Variants in ADAMTS6 observed in about 807,000 individuals in gnomAD.
ADAMTS6 encodes ADAM metallopeptidase with thrombospondin type 1 motif 6, also known as A disintegrin and metalloproteinase with thrombospondin motifs 6.
In ADAMTS6, 23 loss-of-function variants were observed where a neutral mutation model predicts 144.3. The observed-to-expected ratio is 0.16, with a 90% CI of 0.11 to 0.23. The LOEUF is 0.23. ADAMTS6 is among the 10% of genes least tolerant of loss of function. ADAMTS6 has a pLI of 1.00. For missense variants in ADAMTS6, 999 were observed against 1,379.6 expected, an observed-to-expected ratio of 0.72 and a Z score of 4.37; for synonymous variants, 444 against 457.5, an observed-to-expected ratio of 0.97 and a Z score of 0.38.
chr5:65,151,880 C>G lies in ADAMTS6; in HGVS notation c.3310G>C (p.Ala1104Pro). ...LVLKFKFCSR[A>P]YFRQMCCKTC... ...TTACAACACATCTGTCTGAAGTATG[C>G]TCGACTGCAGAACTTGAACTTCAGC... Residue 1104 changes from alanine (A) to proline (P), a missense_variant, in exon 25 of 25, where the codon GCA (alanine) becomes CCA (proline). Transcript: ENST00000381055. 1 of 1,613,828 alleles carries G rather than the reference C, an allele frequency of 6.2e-7. No homozygotes were observed. Among genetic ancestry groups the G allele is most frequent in the Non-Finnish European group, 8.5e-7 (1 of 1,179,766 alleles).
chr5:65,367,481 C>T (rs895176050), intron 7 of ADAMTS6, among the ~76,000 whole-genome samples: 2 of 152,224 alleles, frequency 1.3e-5, no homozygotes, highest in Non-Finnish European at 1.5e-5. Flanking sequence ...TTCTCAACTG[C>T]TGTCATCCCT....
chr5:65,333,231 G>GA (rs375096844), intron 8 of ADAMTS6, among the ~76,000 whole-genome samples: 2 of 151,686 alleles, frequency 1.3e-5, no homozygotes, highest in Non-Finnish European at 2.9e-5. Flanking sequence ...AAAAAATTGA[G>GA]AAAAAAAGCT....
At chr5:65,269,934 C>T (rs1335773106) in intron 12 of ADAMTS6, among the ~76,000 whole-genome samples, 1 of 151,836 alleles carries the variant, frequency 6.6e-6, no homozygotes, top group African/African-American at 2.4e-5. Context: ...GCTGGGACTA[C>T]AGGTGCCTGC....
chr5:65,381,529 ATTTTTTTTT>A (rs748143650), intron 7 of ADAMTS6, among the ~76,000 whole-genome samples: 6 of 103,126 alleles, frequency 5.8e-5, no homozygotes, highest in South Asian at 6.9e-4. Context: ...TGCCTGGCTA[ATTTTTTTTT>A]TTTTTTTTTT....
intron 7 of ADAMTS6, among the ~76,000 whole-genome samples, chr5:65,384,753 C>T (rs1048735041): frequency 6.6e-6 from 1 of 152,186 alleles, no homozygotes; most frequent in Non-Finnish European, 1.5e-5. Flanking sequence ...AAAGTTGCTT[C>T]CACATTTTTA....
chr5:65,370,337 T>C (rs1750737584), intron 7 of ADAMTS6, among the ~76,000 whole-genome samples: 1 of 152,048 alleles, frequency 6.6e-6, no homozygotes. Context: ...AGAAGGCGGG[T>C]GATTTCTGCA....
rs150415416 is a variant in ADAMTS6, at chr5:65,455,122, T to G, written c.632-2204A>C. Among the ~76,000 whole-genome samples the G allele has an allele frequency of 4.6e-5, 7 of 152,354 alleles. No homozygotes were observed. In the East Asian group the frequency reaches 1.3e-3, roughly 29 times the overall value. On this transcript the variant is annotated intron_variant, in intron 4 of 24. Transcript: ENST00000381055. ...CAGCTTAAATGTCCAAATATAGGAT[T>G]TTATTTTCATTCTTTTGATCATTTC...
chr5:65,473,750 A>T lies in ADAMTS6; in HGVS notation c.-77T>A. 1 of 1,115,456 alleles carries T rather than the reference A, an allele frequency of 9.0e-7. No homozygotes were observed. Among genetic ancestry groups the T allele is most frequent in the Non-Finnish European group, 1.3e-6 (1 of 747,294 alleles). The allele number at this position is 1,115,456 out of a possible 1,614,324, so 69.1% of individuals were successfully genotyped here. A position where few individuals can be genotyped will look rare whatever the true frequency, so the allele number is the denominator to read the frequency against. ...CAATACCATACCAAAATCGAAGCAT[A>T]ACAATTTTATTTCTTTAAAACTTCT... On this transcript the variant is annotated 5_prime_UTR_variant, in exon 2 of 25. Transcript: ENST00000381055.
At chr5:65,191,958 A>G (rs1755041415) in intron 21 of ADAMTS6, among the ~76,000 whole-genome samples, 1 of 152,134 alleles carries the variant, frequency 6.6e-6, no homozygotes, top group African/African-American at 2.4e-5. Context: ...ATCACTGGAT[A>G]TTAGCATACC....
At chr5:65,369,967 T>C (rs1750690728) in intron 7 of ADAMTS6, among the ~76,000 whole-genome samples, 1 of 152,120 alleles carries the variant, frequency 6.6e-6, no homozygotes. Context: ...TATTTTCCTT[T>C]ATTTCCTAGG....
chr5:65,388,726 G>C (rs1752670298), intron 7 of ADAMTS6, among the ~76,000 whole-genome samples: 1 of 152,090 alleles, frequency 6.6e-6, no homozygotes, highest in Non-Finnish European at 1.5e-5. Context: ...CAAACATAAT[G>C]TGAACATGTT....
intron 7 of ADAMTS6, among the ~76,000 whole-genome samples, chr5:65,424,356 T>C (rs1756325764): frequency 6.6e-6 from 1 of 152,190 alleles, no homozygotes; most frequent in Non-Finnish European, 1.5e-5. Flanking sequence ...ATATAAAGAT[T>C]AAGTGTGCTC....
At chr5:65,344,877 CG>C (rs1393081603) in intron 7 of ADAMTS6, among the ~76,000 whole-genome samples, 1 of 151,804 alleles carries the variant, frequency 6.6e-6, no homozygotes, top group East Asian at 1.9e-4. Context: ...AAACTTTCTT[CG>C]GCTAGGTTAT....
At chr5:65,237,545 A>G (rs1758770140) in intron 15 of ADAMTS6, among the ~76,000 whole-genome samples, 1 of 152,128 alleles carries the variant, frequency 6.6e-6, no homozygotes, top group African/African-American at 2.4e-5. Context: ...TATTCTAAGG[A>G]AGAGATAACA....
intron 15 of ADAMTS6, among the ~76,000 whole-genome samples, chr5:65,235,607 C>T (rs990622906): frequency 6.6e-6 from 1 of 152,140 alleles, no homozygotes; most frequent in African/African-American, 2.4e-5. Flanking sequence ...GAGAGACTGG[C>T]CTAGCCTCCC....
At chr5:65,259,929 T>C (rs1761033954) in intron 14 of ADAMTS6, among the ~76,000 whole-genome samples, 2 of 152,200 alleles carry the variant, frequency 1.3e-5, no homozygotes, top group African/African-American at 4.8e-5. Flanking sequence ...AAGAGTGATC[T>C]GGAGGAGTAA....
rs547419569 is a variant in ADAMTS6 at position 65,416,049 on chromosome 5, G to T, written c.1073+35426C>A. On this transcript the variant is annotated intron_variant, in intron 7 of 24. Coordinates refer to ENST00000381055, the MANE Select transcript of ADAMTS6 (RefSeq NM_197941.4). ...CTGCATGGCCACCCTGGGCAATTTC[G>T]CCAAGGCCAACTTCAATGACATCTC... 9 of 188,148 alleles carry T rather than the reference G, an allele frequency of 4.8e-5. No homozygotes were observed. The Admixed American group carries it at 5.1e-4, about 11-fold the overall frequency. 11.7% of individuals were successfully genotyped at this position (188,148 alleles called of 1,614,324 possible).
intron 22 of ADAMTS6, among the ~76,000 whole-genome samples, chr5:65,182,574 C>CT (rs1383095194): frequency 6.6e-6 from 1 of 151,820 alleles, no homozygotes; most frequent in Admixed American, 6.6e-5. Flanking sequence ...GAAGTGAGTA[C>CT]TGTTACATAT....
intron 2 of ADAMTS6, 110 bp from the exon 3 acceptor site, chr5:65,471,252 T>C: frequency 9.1e-7 from 1 of 1,104,536 alleles, no homozygotes; most frequent in East Asian, 2.9e-5. Flanking sequence ...ATTAAAACTA[T>C]GAATCATTAT....
Sources: gnomAD v4.1 joint callset for allele counts (sites outside exome capture counted in the v4.1 genomes callset) on GRCh38, gnomAD v4.1.1 for gene constraint, MANE v1.5 for transcripts, NCBI Gene and HGNC (gene_info 2026-07-23, HGNC 2026-07-21) for gene names.